The following ANKRD55 variants were observed in gnomAD, a reference collection of about 807,000 sequenced individuals.
ANKRD55 encodes ankyrin repeat domain 55, also known as ankyrin repeat domain-containing protein 55.
In ANKRD55, 41 loss-of-function variants were observed where a neutral mutation model predicts 60.6. That is an observed-to-expected ratio of 0.68 (90% CI 0.53 to 0.88). The LOEUF (loss-of-function observed/expected upper bound fraction) is 0.88. Among genes scored for constraint, ANKRD55 ranks in the 40% least tolerant of loss-of-function variants. ANKRD55 has a pLI of 0.00. For missense variants in ANKRD55, 732 were observed against 767.6 expected (o/e 0.95, Z 0.55); for synonymous variants, 264 against 290.3 (o/e 0.91, Z 0.92).
chr5:56,137,408 C>T, intron 7 of ANKRD55: 1 of 899,624 alleles, frequency 1.1e-6, no homozygotes, highest in Non-Finnish European at 1.8e-6. Context: ...GCTCTCCCTG[C>T]CACACTGAGA....
At chr5:56,143,750 A>G in intron 7 of ANKRD55, 51 bp downstream of exon 7, 1 of 1,606,434 alleles carries the variant, frequency 6.2e-7, no homozygotes. Context: ...AATTGTTAAC[A>G]CTGCTTTCCA....
rs201409076 is a variant in ANKRD55 at position 56,135,960 on chromosome 5, G to A, written c.612+7841C>T. Among the ~76,000 whole-genome samples, 10 of 151,850 alleles carry A rather than the reference G, an allele frequency of 6.6e-5. No individual in the cohort carries two copies. The East Asian group carries it at 1.9e-3, about 29-fold the overall frequency. On this transcript the variant is annotated intron_variant, in intron 7 of 11. Transcript: ENST00000341048. ...TAAAAATACAATACCATTTACATTA[G>A]CACCCCCCAAAATTAAATAGTTAGG...
chr5:56,149,843 C>CCT (rs1554039740), intron 6 of ANKRD55, among the ~76,000 whole-genome samples: 22 of 140,390 alleles, frequency 1.6e-4, no homozygotes, highest in African/African-American at 5.7e-4. Flanking sequence ...TCACTAACTT[C>CCT]TTTTTTTTTT....
chr5:56,170,569 T>C (rs1265409002), intron 5 of ANKRD55, 125 bp downstream of exon 5: 1 of 681,370 alleles, frequency 1.5e-6, no homozygotes, highest in African/African-American at 2.8e-5. Flanking sequence ...TGCTGCAACT[T>C]CAAAAAAAAA....
In ANKRD55 at chr5:56,111,772, T is replaced by C; in HGVS notation, c.976A>G (p.Thr326Ala). ...LLSQESRTEP[T>A]RPPPSQSSRP... ...CTGCTCTGGGAGGGAGGGGGTCGAGTAGGCTCTGTTCTATGCGAATATAAA... is the reference window on the plus strand; with the variant it reads ...CTGCTCTGGGAGGGAGGGGGTCGAGCAGGCTCTGTTCTATGCGAATATAAA... The change falls in exon 10 of 12, where the codon ACT (threonine) becomes GCT (alanine). Residue 326 changes from threonine (T) to alanine (A), a missense_variant. This residue lies in a region of ANKRD55 where 597 missense variants were observed against 607.5 expected (regional missense o/e 0.98). Coordinates refer to ENST00000341048, the MANE Select transcript of ANKRD55 (RefSeq NM_024669.3). 1.3e-6 allele frequency: 2 copies of C among 1,512,212 alleles called. No homozygotes were observed. The highest frequency in any genetic ancestry group is 8.8e-7 in the Non-Finnish European group (1 of 1,135,002). The allele number at this position is 1,512,212 out of a possible 1,614,324, so 93.7% of individuals were successfully genotyped here. A position where few individuals can be genotyped will look rare whatever the true frequency, so the allele number is the denominator to read the frequency against.
chr5:56,182,350 G>A (rs536851421), intron 3 of ANKRD55, among the ~76,000 whole-genome samples: 46 of 152,102 alleles, frequency 3.0e-4, no homozygotes, highest in African/African-American at 8.2e-4. Context: ...TCTTTCCTTT[G>A]CATCCTCATT....
chr5:56,133,659 A>G, intron 7 of ANKRD55, among the ~76,000 whole-genome samples: 1 of 113,546 alleles, frequency 8.8e-6, no homozygotes. Context: ...TCAACAACAG[A>G]CAACTGGAAA....
At chr5:56,152,308 C>T (rs1026896168) in intron 6 of ANKRD55, among the ~76,000 whole-genome samples, 18 of 151,668 alleles carry the variant, frequency 1.2e-4, no homozygotes, top group African/African-American at 4.4e-4. Flanking sequence ...CAAAAGGTCA[C>T]ATCTGTTTTT....
In ANKRD55 at chr5:56,105,163, G is replaced by A. The variant is rs937738408; in HGVS notation, c.1631-2577C>T. ...ATGCAGTAGTGCCATCGTGGCTCAC[G>A]GCAACCTCTGCCTCCCGGGTTCCAG... On this transcript the variant is annotated intron_variant, in intron 10 of 11. Transcript: ENST00000341048. 4.7e-5 allele frequency among the ~76,000 whole-genome samples: 7 copies of A among 150,438 alleles called. No homozygotes were observed. The East Asian group carries it at 1.4e-3, about 29-fold the overall frequency.
chr5:56,134,696 C>A (rs180877563), intron 7 of ANKRD55, among the ~76,000 whole-genome samples: 1 of 151,986 alleles, frequency 6.6e-6, no homozygotes, highest in Non-Finnish European at 1.5e-5. Flanking sequence ...AAAAATATAA[C>A]GGTTTTTTAA....
intron 7 of ANKRD55, among the ~76,000 whole-genome samples, chr5:56,138,330 G>A (rs1035129299): frequency 5.3e-5 from 8 of 152,038 alleles, no homozygotes; most frequent in African/African-American, 1.9e-4. Flanking sequence ...GATTCACCAT[G>A]TTGGTCAGGC....
intron 2 of ANKRD55, among the ~76,000 whole-genome samples, chr5:56,211,112 T>C (rs1382116178): frequency 2.6e-5 from 4 of 152,188 alleles, no homozygotes; most frequent in African/African-American, 9.7e-5. Context: ...AGGTCCCCAG[T>C]CAAAGTTCTT....
chr5:56,180,363 T>C (rs1758827239), intron 3 of ANKRD55, among the ~76,000 whole-genome samples: 1 of 152,240 alleles, frequency 6.6e-6, no homozygotes, highest in Admixed American at 6.5e-5. Flanking sequence ...TTCCTTCCAC[T>C]TTATTCTTTT....
chr5:56,228,072 G>C (rs1334409577), intron 2 of ANKRD55, among the ~76,000 whole-genome samples: 2 of 152,148 alleles, frequency 1.3e-5, no homozygotes, highest in Non-Finnish European at 2.9e-5. Context: ...CCCTGCAATG[G>C]GTTGAATGGT....
At chr5:56,185,157 A>C (rs1445890672) in intron 2 of ANKRD55, among the ~76,000 whole-genome samples, 1 of 151,942 alleles carries the variant, frequency 6.6e-6, no homozygotes, top group Non-Finnish European at 1.5e-5. Context: ...CGGGAGGCAG[A>C]GGGTGCAGTG....
chr5:56,206,543 C>A (rs1032957309), intron 2 of ANKRD55, among the ~76,000 whole-genome samples: 25 of 152,274 alleles, frequency 1.6e-4, no homozygotes, highest in African/African-American at 6.0e-4. Context: ...CTGCATCATG[C>A]AATGGAGGAG....
chr5:56,155,186 G>A (rs998886870), intron 6 of ANKRD55, among the ~76,000 whole-genome samples: 7 of 149,986 alleles, frequency 4.7e-5, no homozygotes, highest in Non-Finnish European at 8.8e-5. Flanking sequence ...TCGTGTCACT[G>A]CACTCCAGTC....
In ANKRD55 at chr5:56,122,829, A is replaced by G. The variant is rs1302708810; in HGVS notation, c.797+4093T>C. Among the ~76,000 whole-genome samples, 4 of 151,512 alleles carry G rather than the reference A, an allele frequency of 2.6e-5. No homozygotes were observed. The South Asian group carries it at 8.3e-4, about 32-fold the overall frequency. ...CACCCAGGCTGGAGTGCAGTGGTAC[A>G]ATCACAGTTCACTGCAACCTTCACC... is the stretch of plus-strand genomic sequence containing the variant. On this transcript the variant is annotated intron_variant, in intron 8 of 11. Transcript: ENST00000341048.
At chr5:56,206,014 C>T (rs969943166) in intron 2 of ANKRD55, among the ~76,000 whole-genome samples, 2 of 149,150 alleles carry the variant, frequency 1.3e-5, no homozygotes, top group Non-Finnish European at 1.5e-5. Flanking sequence ...TGACTCCCAT[C>T]GCCCAGGCTG....
Sources: allele counts gnomAD v4.1 joint callset (sites outside exome capture counted in the v4.1 genomes callset), GRCh38; gene constraint gnomAD v4.1.1; regional missense constraint gnomAD v4.1.1; transcripts MANE v1.5; gene names NCBI Gene and HGNC (gene_info 2026-07-23, HGNC 2026-07-21).